The following PDE10A variants were observed in gnomAD, a reference collection of about 807,000 sequenced individuals.
PDE10A encodes cAMP and cAMP-inhibited cGMP 3',5'-cyclic phosphodiesterase 10A.
A neutral mutation model predicts 97.7 loss-of-function variants in PDE10A; 39 were observed. The observed-to-expected ratio is 0.40, with a 90% CI of 0.31 to 0.52. The LOEUF is 0.52. Ranked by LOEUF, PDE10A falls within the 20% of genes least tolerant of loss-of-function variation. The probability of loss-of-function intolerance (pLI) is 0.56; values close to 1 mark genes in which losing one functional copy is unlikely to be tolerated. For missense variants in PDE10A, 731 were observed against 1,047.8 expected, an observed-to-expected ratio of 0.70 and a Z score of 4.17; for synonymous variants, 371 against 376.8, an observed-to-expected ratio of 0.98 and a Z score of 0.18.
chr6:165,478,487 G>C (rs942268868), intron 3 of PDE10A, among the ~76,000 whole-genome samples: 6 of 152,052 alleles, frequency 3.9e-5, no homozygotes. Flanking sequence ...CACTAAAAAA[G>C]GTTTTAAGAC....
At chr6:165,685,873 A>G (rs1366655071) in intron 1 of PDE10A, among the ~76,000 whole-genome samples, 2 of 152,232 alleles carry the variant, frequency 1.3e-5, no homozygotes, top group African/African-American at 4.8e-5. Flanking sequence ...AAAATTTAAA[A>G]GTAGAATTTA....
chr6:165,836,008 G>A (rs534873322), intron 1 of PDE10A, among the ~76,000 whole-genome samples: 2 of 152,238 alleles, frequency 1.3e-5, no homozygotes, highest in African/African-American at 2.4e-5. Context: ...GCCTTCTATC[G>A]GGGAAAACAT....
chr6:165,534,969 A>G (rs73039553), intron 2 of PDE10A, among the ~76,000 whole-genome samples: 11,372 of 152,098 alleles, frequency 0.075, 518 homozygotes, highest in African/African-American at 0.12. Flanking sequence ...AAAGAAATAA[A>G]GAGTATCTAA....
chr6:165,456,542 G>A (rs546568328), intron 3 of PDE10A, among the ~76,000 whole-genome samples: 1 of 152,190 alleles, frequency 6.6e-6, no homozygotes. Flanking sequence ...TTTTGGACAG[G>A]AAATGGGTTG....
intron 2 of PDE10A, among the ~76,000 whole-genome samples, chr6:165,511,387 T>A (rs985280266): frequency 6.6e-6 from 1 of 151,594 alleles, no homozygotes; most frequent in African/African-American, 2.4e-5. Flanking sequence ...GAGAAGATAC[T>A]TGATTTCAAA....
chr6:165,668,953 A>G (rs1006910283), intron 1 of PDE10A, among the ~76,000 whole-genome samples: 3 of 152,210 alleles, frequency 2.0e-5, no homozygotes, highest in Non-Finnish European at 2.9e-5. Context: ...AGGAGAGAGA[A>G]AGTTTGATGC....
chr6:165,422,362 CGCATATACACACACAG>C lies in PDE10A; in HGVS notation c.1654-3601_1654-3586del, dbSNP rs1562450906. Among the ~76,000 whole-genome samples the C allele has an allele frequency of 3.6e-4, 54 of 148,858 alleles. 4 individuals carry two copies. Among genetic ancestry groups the C allele is most frequent in the African/African-American group, 1.1e-3 (46 of 40,166 alleles). On this transcript the variant is annotated intron_variant, in intron 10 of 21. Coordinates refer to ENST00000539869, the MANE Select transcript of PDE10A (RefSeq NM_001385079.1). ...ACACACACATATGCATACACACATA[CGCATATACACACACAG>C]GCATACACACACGCATACACACATA...
At chr6:165,633,302 G>A (rs1030903634) in intron 1 of PDE10A, among the ~76,000 whole-genome samples, 1 of 152,122 alleles carries the variant, frequency 6.6e-6, no homozygotes, top group African/African-American at 2.4e-5. Context: ...TAATAAAGGG[G>A]CACAGGTTGG....
chr6:165,422,160 A>T (rs536181538), intron 10 of PDE10A, among the ~76,000 whole-genome samples: 55 of 152,302 alleles, frequency 3.6e-4, no homozygotes, highest in Non-Finnish European at 4.7e-4. Context: ...CTTTGAAATG[A>T]CCCTCAGATG....
chr6:165,450,602 C>T (rs531139705), intron 3 of PDE10A, among the ~76,000 whole-genome samples: 13 of 151,642 alleles, frequency 8.6e-5, no homozygotes, highest in Non-Finnish European at 1.9e-4. Context: ...TCTCTGTTAC[C>T]CAGGCTGGAA....
intron 1 of PDE10A, chr6:165,545,107 A>T: frequency 1.4e-5 from 7 of 483,230 alleles, no homozygotes; most frequent in South Asian, 1.1e-4. Flanking sequence ...TGCTCTCTTT[A>T]GGTCCTCCAT....
chr6:165,882,956 C>T (rs1257453784), intron 1 of PDE10A, among the ~76,000 whole-genome samples: 2 of 152,122 alleles, frequency 1.3e-5, no homozygotes, highest in African/African-American at 4.8e-5. Flanking sequence ...AGGATTTGCG[C>T]CGGGTATGGT....
intron 1 of PDE10A, among the ~76,000 whole-genome samples, chr6:165,985,780 C>T (rs1384911842): frequency 1.3e-5 from 2 of 152,146 alleles, no homozygotes; most frequent in Non-Finnish European, 2.9e-5. Flanking sequence ...GCCAGGCAGG[C>T]ATGAGGGAAA....
At chr6:165,619,399 G>GTAGTCTAGTGTACTGTAGTGTAGTA (rs1562634698) in intron 1 of PDE10A, among the ~76,000 whole-genome samples, 2 of 55,756 alleles carry the variant, frequency 3.6e-5, no homozygotes, top group Admixed American at 1.6e-4. Context: ...ATAGTGTAGT[G>GTAGTCTAGTGTACTGTAGTGTAGTA]TAGTGTAGTC....
At chr6:165,836,949 C>CA (rs200165882) in intron 1 of PDE10A, among the ~76,000 whole-genome samples, 2,164 of 149,360 alleles carry the variant, frequency 0.014, 46 homozygotes, top group African/African-American at 0.049. Flanking sequence ...ATCGCAAGAA[C>CA]AAAAAAACCA....
At chr6:165,891,622 C>T (rs927902726) in intron 1 of PDE10A, among the ~76,000 whole-genome samples, 6 of 152,048 alleles carry the variant, frequency 3.9e-5, no homozygotes, top group Non-Finnish European at 8.8e-5. Flanking sequence ...AGGTCCTGGT[C>T]ACAGTCCTAC....
At chr6:165,980,592 TG>T (rs1324037331) in intron 1 of PDE10A, among the ~76,000 whole-genome samples, 2 of 152,212 alleles carry the variant, frequency 1.3e-5, no homozygotes, top group South Asian at 2.1e-4. Context: ...AGGATACTTG[TG>T]TCTGTATATG....
At chr6:165,922,535 C>T (rs929849707) in intron 1 of PDE10A, among the ~76,000 whole-genome samples, 2 of 152,174 alleles carry the variant, frequency 1.3e-5, no homozygotes, top group African/African-American at 4.8e-5. Context: ...GAAAATGACT[C>T]ATTTCCTTTT....
At chr6:165,968,309 G>C (rs967379188) in intron 1 of PDE10A, among the ~76,000 whole-genome samples, 8 of 152,202 alleles carry the variant, frequency 5.3e-5, no homozygotes, top group Admixed American at 2.0e-4. Flanking sequence ...ATTTTACACA[G>C]TATTGACATC....
Sources: allele counts gnomAD v4.1 joint callset (sites outside exome capture counted in the v4.1 genomes callset), GRCh38; gene constraint gnomAD v4.1.1; transcripts MANE v1.5; gene names NCBI Gene and HGNC (gene_info 2026-07-23, HGNC 2026-07-21).